The following SLC7A8 variants were observed in gnomAD, a reference collection of about 807,000 sequenced individuals.
SLC7A8 encodes the protein solute carrier family 7 member 8.
In SLC7A8, 30 loss-of-function variants were observed where a neutral mutation model predicts 51.2. That is an observed-to-expected ratio of 0.59 (90% confidence interval 0.44 to 0.80). SLC7A8 has a LOEUF of 0.80. SLC7A8 is among the 30% of genes least tolerant of loss of function. The pLI, the probability that SLC7A8 is intolerant of heterozygous loss-of-function variation, is 0.00. For missense variants in SLC7A8, 612 were observed against 674.4 expected (o/e 0.91, Z 1.03); for synonymous variants, 257 against 275.8 (o/e 0.93, Z 0.67).
intron 3 of SLC7A8, among the ~76,000 whole-genome samples, chr14:23,145,437 A>G (rs1361940223): frequency 1.3e-5 from 2 of 150,832 alleles, no homozygotes; most frequent in East Asian, 4.0e-4. Context: ...TGAGGCAGGA[A>G]AATCACTTGT....
chr14:23,173,497 T>C (rs2048984878), intron 1 of SLC7A8, among the ~76,000 whole-genome samples: 1 of 152,202 alleles, frequency 6.6e-6, no homozygotes, highest in South Asian at 2.1e-4. Flanking sequence ...ACCAAAATTA[T>C]TGAGTTTGTG....
chr14:23,156,947 G>A (rs1268735925), intron 3 of SLC7A8, among the ~76,000 whole-genome samples: 3 of 152,180 alleles, frequency 2.0e-5, no homozygotes, highest in Non-Finnish European at 4.4e-5. Flanking sequence ...GCCAGCAGTT[G>A]AAGCACATTG....
intron 7 of SLC7A8, among the ~76,000 whole-genome samples, chr14:23,131,997 C>CTTTTTTTTT (rs1268438002): frequency 7.2e-6 from 1 of 139,146 alleles, no homozygotes; most frequent in African/African-American, 2.7e-5. Flanking sequence ...TAAAAACACT[C>CTTTTTTTTT]TATTTTTTTT....
At chr14:23,182,280 C>T (rs749748210) in intron 1 of SLC7A8, among the ~76,000 whole-genome samples, 5 of 152,214 alleles carry the variant, frequency 3.3e-5, no homozygotes, top group Non-Finnish European at 7.3e-5. Flanking sequence ...AATAAAAAGG[C>T]AGGGCATTGC....
rs534739435 is a variant in SLC7A8 at position 23,132,713 on chromosome 14, G to A, written c.1017-1156C>T. On this transcript the variant is annotated intron_variant, in intron 7 of 10. Transcript: ENST00000316902. ...TGCAATAGCACGATCTTGGTTCACC[G>A]CAACCTCCGCCTCCCAGGTTCAAGC... Among the ~76,000 whole-genome samples the A allele has an allele frequency of 1.1e-4, 17 of 148,268 alleles. No homozygotes were observed. The South Asian group carries it at 2.1e-3, about 19-fold the overall frequency.
Position 23,128,215 on chromosome 14 carries a change from A to C in SLC7A8, c.1264-19T>G. ...GGTTGATCTGTGGAGCAGAGGCATGAGGCGTATGAACTGTGTAGGCCACGT... is the reference window on the plus strand; with the variant it reads ...GGTTGATCTGTGGAGCAGAGGCATGCGGCGTATGAACTGTGTAGGCCACGT... On this transcript the variant is annotated intron_variant, in intron 9 of 10. Coordinates refer to ENST00000316902, the MANE Select transcript of SLC7A8 (RefSeq NM_012244.4). The surrounding 1 kb of genome is among the most constrained non-coding windows in gnomAD (Gnocchi z 4.3). 6.2e-7 allele frequency: 1 copy of C among 1,613,618 alleles called. No homozygotes were observed. Among genetic ancestry groups the C allele is most frequent in the Non-Finnish European group, 8.5e-7 (1 of 1,179,808 alleles).
intron 3 of SLC7A8, among the ~76,000 whole-genome samples, chr14:23,164,444 T>C (rs1217009310): frequency 1.3e-5 from 2 of 152,218 alleles, no homozygotes; most frequent in African/African-American, 4.8e-5. Flanking sequence ...TGCCTGGCTC[T>C]CTGTTTCCTT....
Position 23,165,585 on chromosome 14 carries a change from C to T in SLC7A8, c.357-149G>A. 1 of 692,544 alleles carries T rather than the reference C, an allele frequency of 1.4e-6. No homozygotes were observed. 42.9% of individuals were successfully genotyped at this position (692,544 alleles called of 1,614,324 possible). On this transcript the variant is annotated intron_variant, in intron 2 of 10. Transcript: ENST00000316902. This position sits in a 1 kb window ranked among gnomAD's most constrained non-coding sequence, Gnocchi z 4.2. ...CCCCACCCACAAATGAGACACCCAG[C>T]CCTCTGCAGTGACAATAAAATGGTT...
Position 23,166,404 on chromosome 14 carries a change from G to A in SLC7A8, c.288C>T (p.Leu96=), listed in dbSNP as rs764015708. 14 of 1,614,026 alleles carry A rather than the reference G, an allele frequency of 8.7e-6. No homozygotes were observed. Among genetic ancestry groups the A allele is most frequent in the Middle Eastern group, 1.6e-4 (1 of 6,084 alleles). The part of the protein sequence containing the change: ...TVVGALCYAE[L]GVTIPKSGGD... The stretch of plus-strand genomic sequence containing the variant: ...CTCCAGATTTGGGGATGGTGACCCC[G>A]AGTTCAGCATAGCAGAGGGCTCCCA... Residue 96 remains leucine, a synonymous_variant, in exon 2 of 11, where the codon CTC becomes CTT. Coordinates refer to ENST00000316902, the MANE Select transcript of SLC7A8 (RefSeq NM_012244.4).
intron 8 of SLC7A8, 32 bp downstream of exon 8, chr14:23,131,429 G>A (rs768747389): frequency 4.0e-6 from 6 of 1,515,074 alleles, no homozygotes; most frequent in Non-Finnish European, 2.7e-6. Context: ...AGAGGGAGGT[G>A]TGTGGAGAGT....
intron 1 of SLC7A8, among the ~76,000 whole-genome samples, chr14:23,167,341 CCTCT>C (rs1379003770): frequency 6.6e-6 from 1 of 152,140 alleles, no homozygotes; most frequent in African/African-American, 2.4e-5. Context: ...CAGGTACTTC[CCTCT>C]CTATTTTACA....
intron 3 of SLC7A8, among the ~76,000 whole-genome samples, chr14:23,150,421 G>A (rs1285546794): frequency 1.3e-5 from 2 of 152,204 alleles, no homozygotes; most frequent in African/African-American, 2.4e-5. Context: ...AGCATGAAGG[G>A]AAGGAGGCAG....
In SLC7A8 at chr14:23,130,497, C is replaced by T. The variant is rs562076945; in HGVS notation, c.1114-698G>A. Among the ~76,000 whole-genome samples, 14 of 152,182 alleles carry T rather than the reference C, an allele frequency of 9.2e-5. No individual in the cohort carries two copies. The East Asian group carries it at 1.9e-3, about 21-fold the overall frequency. On this transcript the variant is annotated intron_variant, in intron 8 of 10. Transcript: ENST00000316902. Reference sequence around the variant, plus strand: ...AAAGGTTCTGTTCTCTTGTGAGATCCGATGGTTAAAATAATCGAGAAGATT... The same window carrying T: ...AAAGGTTCTGTTCTCTTGTGAGATCTGATGGTTAAAATAATCGAGAAGATT...
intron 3 of SLC7A8, among the ~76,000 whole-genome samples, chr14:23,152,197 T>C (rs1284710152): frequency 1.3e-5 from 2 of 152,018 alleles, no homozygotes; most frequent in East Asian, 1.9e-4. Flanking sequence ...TGGCCTGATG[T>C]TGGCAAACTA....
rs750214036 is a variant in SLC7A8, at chr14:23,165,477, G to A, written c.357-41C>T. 3 of 1,555,314 alleles carry A rather than the reference G, an allele frequency of 1.9e-6. No homozygotes were observed. The highest frequency in any genetic ancestry group is 2.6e-6 in the Non-Finnish European group (3 of 1,158,962). On this transcript the variant is annotated intron_variant, in intron 2 of 10. Coordinates refer to ENST00000316902, the MANE Select transcript of SLC7A8 (RefSeq NM_012244.4). The surrounding 1 kb of genome is among the most constrained non-coding windows in gnomAD (Gnocchi z 4.2). ...GACATCCGCCGAAAGGCATGGCAGG[G>A]ACGCAGAGCCATCAGGGGAGAGCCC...
chr14:23,151,941 C>T (rs575496894), intron 3 of SLC7A8, among the ~76,000 whole-genome samples: 22 of 151,724 alleles, frequency 1.5e-4, no homozygotes, highest in Non-Finnish European at 2.6e-4. Flanking sequence ...GCCAGCTATT[C>T]GGGAGGCTGA....
intron 3 of SLC7A8, among the ~76,000 whole-genome samples, chr14:23,158,392 C>T (rs1423790762): frequency 1.3e-5 from 2 of 152,214 alleles, no homozygotes; most frequent in African/African-American, 2.4e-5. Flanking sequence ...GTCGCCCAGG[C>T]TGGAGTGCAG....
At chr14:23,155,991 T>C (rs1427893066) in intron 3 of SLC7A8, among the ~76,000 whole-genome samples, 1 of 148,778 alleles carries the variant, frequency 6.7e-6, no homozygotes, top group African/African-American at 2.6e-5. Context: ...GAACTCTTTT[T>C]TCTTTTCTTT....
chr14:23,134,701 G>A (rs1208421877), intron 7 of SLC7A8, among the ~76,000 whole-genome samples: 1 of 151,914 alleles, frequency 6.6e-6, no homozygotes, highest in Non-Finnish European at 1.5e-5. Context: ...GGGACTACAT[G>A]TACATATCAC....
Sources: allele counts gnomAD v4.1 joint callset (sites outside exome capture counted in the v4.1 genomes callset), GRCh38; gene constraint gnomAD v4.1.1; non-coding constraint Gnocchi (gnomAD v3.1); transcripts MANE v1.5; gene names NCBI Gene and HGNC (gene_info 2026-07-23, HGNC 2026-07-21).